Variants in MTF2 observed in about 807,000 individuals in gnomAD.
MTF2 encodes the protein metal-response element-binding transcription factor 2.
In MTF2, 11 loss-of-function variants were observed where a neutral mutation model predicts 79.5. The observed-to-expected ratio is 0.14, with a 90% CI of 0.09 to 0.23. The LOEUF (loss-of-function observed/expected upper bound fraction) is 0.23. Among genes scored for constraint, MTF2 ranks in the 10% least tolerant of loss-of-function variants. MTF2 has a pLI of 1.00. For synonymous variants in MTF2, 208 were observed against 232.8 expected (o/e 0.89, Z 0.97); for missense variants, 486 against 711.2 (o/e 0.68, Z 3.60).
rs770448261 is a variant in MTF2, at chr1:93,134,046, G to A, written c.1320-45G>A. On this transcript the variant is annotated intron_variant, in intron 13 of 14. Transcript: ENST00000370298. Reference sequence around the variant, plus strand: ...TTTGAGTAGATATTAATATTTGTTTGTTATATAATATAGTCGTTACACAAT... The same window carrying A: ...TTTGAGTAGATATTAATATTTGTTTATTATATAATATAGTCGTTACACAAT... 15 of 1,546,002 alleles carry A rather than the reference G, an allele frequency of 9.7e-6. No individual in the cohort carries two copies. In the East Asian group the frequency reaches 2.7e-4, roughly 28 times the overall value.
intron 1 of MTF2, among the ~76,000 whole-genome samples, chr1:93,090,314 G>A (rs181095489): frequency 2.0e-5 from 3 of 152,222 alleles, no homozygotes; most frequent in African/African-American, 7.2e-5. Flanking sequence ...ATTTCTCCAT[G>A]CTGGCCAGGC....
intron 9 of MTF2, among the ~76,000 whole-genome samples, chr1:93,124,095 G>A (rs1656598113): frequency 6.6e-6 from 1 of 151,980 alleles, no homozygotes; most frequent in African/African-American, 2.4e-5. Context: ...GTATAGGATT[G>A]TTATGAAGAG....
chr1:93,113,304 T>C (rs1307377721), intron 3 of MTF2, among the ~76,000 whole-genome samples: 1 of 151,586 alleles, frequency 6.6e-6, no homozygotes, highest in Admixed American at 6.6e-5. Flanking sequence ...TGCTTGGGCT[T>C]GGGAAGTCAA....
At chr1:93,105,045 G>A (rs1452328438) in intron 1 of MTF2, among the ~76,000 whole-genome samples, 1 of 151,600 alleles carries the variant, frequency 6.6e-6, no homozygotes, top group Non-Finnish European at 1.5e-5. Context: ...TCGGGAGGCT[G>A]AGGCAGGAGA....
intron 9 of MTF2, among the ~76,000 whole-genome samples, chr1:93,127,027 T>C (rs555066555): frequency 6.6e-6 from 1 of 152,252 alleles, no homozygotes; most frequent in East Asian, 1.9e-4. Context: ...TTATACTTCA[T>C]TTTTTATAAG....
intron 1 of MTF2, among the ~76,000 whole-genome samples, chr1:93,080,094 A>G (rs780691286): frequency 6.6e-6 from 1 of 152,126 alleles, no homozygotes; most frequent in Admixed American, 6.6e-5. Flanking sequence ...TGGAAGCACA[A>G]CCTGAAAGCT....
In MTF2 at chr1:93,138,235, T is replaced by C. The variant is rs1005560231; in HGVS notation, c.*1208T>C. ...TTTACTTGTAAAAAAAAAGTTTCTT[T>C]TATCACCAGTGTTACAGTTGTCTTC... On this transcript the variant is annotated 3_prime_UTR_variant, in exon 15 of 15. Transcript: ENST00000370298. 6 of 152,216 alleles carry C rather than the reference T, an allele frequency of 3.9e-5. No homozygotes were observed. The highest frequency in any genetic ancestry group is 1.4e-4 in the African/African-American group (6 of 41,472). 9.4% of individuals were successfully genotyped at this position (152,216 alleles called of 1,614,324 possible). A position where few individuals can be genotyped will look rare whatever the true frequency, so the allele number is the denominator to read the frequency against.
intron 9 of MTF2, among the ~76,000 whole-genome samples, chr1:93,125,114 C>T (rs542389646): frequency 6.6e-6 from 1 of 151,898 alleles, no homozygotes; most frequent in South Asian, 2.1e-4. Context: ...TTGCGATCGT[C>T]AGAAAGTAAA....
chr1:93,089,715 G>A (rs771228682), intron 1 of MTF2, among the ~76,000 whole-genome samples: 3 of 152,034 alleles, frequency 2.0e-5, no homozygotes, highest in Non-Finnish European at 4.4e-5. Context: ...GCTATGCCTG[G>A]CTTAATATTT....
chr1:93,081,146 A>G (rs1654589694), intron 1 of MTF2: 1 of 152,204 alleles, frequency 6.6e-6, no homozygotes, highest in Non-Finnish European at 1.5e-5. Context: ...ATGCATACAC[A>G]GTTTTAGAAC....
At chr1:93,096,532 T>C (rs1640377524) in intron 1 of MTF2, among the ~76,000 whole-genome samples, 1 of 151,994 alleles carries the variant, frequency 6.6e-6, no homozygotes. Context: ...CTTTTTTTTT[T>C]CTGTGTTAAT....
chr1:93,112,261 C>G (rs955412944), intron 3 of MTF2, among the ~76,000 whole-genome samples: 4 of 152,120 alleles, frequency 2.6e-5, no homozygotes, highest in Non-Finnish European at 5.9e-5. Context: ...AATCTGAAAC[C>G]TGCGTTATGG....
intron 1 of MTF2, among the ~76,000 whole-genome samples, chr1:93,097,905 T>C (rs563048399): frequency 1.4e-4 from 22 of 152,314 alleles, no homozygotes; most frequent in African/African-American, 5.3e-4. Context: ...GGCCTTTTTT[T>C]ATTAATAGAT....
intron 1 of MTF2, among the ~76,000 whole-genome samples, chr1:93,105,685 T>G (rs962591287): frequency 1.7e-4 from 26 of 151,972 alleles, no homozygotes; most frequent in African/African-American, 6.0e-4. Context: ...GTGTGTGTTT[T>G]TTTTTTGAGA....
intron 14 of MTF2, 198 bp downstream of exon 14, chr1:93,134,393 T>C (rs1647289639): frequency 1.9e-6 from 1 of 532,832 alleles, no homozygotes; most frequent in Non-Finnish European, 3.3e-6. Context: ...AGAGTACAAA[T>C]GTATTTTTCA....
chr1:93,121,163 AT>A (rs1656460238), intron 9 of MTF2: 2 of 984,746 alleles, frequency 2.0e-6, no homozygotes, highest in South Asian at 4.7e-5. Flanking sequence ...ATAGAAAATT[AT>A]CCCCTCTCAT....
intron 6 of MTF2, among the ~76,000 whole-genome samples, chr1:93,116,158 A>G (rs1053181168): frequency 6.6e-6 from 1 of 152,196 alleles, no homozygotes; most frequent in African/African-American, 2.4e-5. Context: ...TCTGGGCTCA[A>G]GTTATCCTCC....
intron 1 of MTF2, among the ~76,000 whole-genome samples, chr1:93,091,298 C>T (rs1247908656): frequency 6.6e-6 from 1 of 152,042 alleles, no homozygotes; most frequent in Non-Finnish European, 1.5e-5. Context: ...CCTTGTATTT[C>T]TCTGGTGACT....
chr1:93,132,878 G>A (rs1445861976), intron 11 of MTF2, among the ~76,000 whole-genome samples: 1 of 151,780 alleles, frequency 6.6e-6, no homozygotes, highest in Non-Finnish European at 1.5e-5. Flanking sequence ...TAACTATATT[G>A]TGAACTCTTT....
Sources: allele counts gnomAD v4.1 joint callset (sites outside exome capture counted in the v4.1 genomes callset), GRCh38; gene constraint gnomAD v4.1.1; transcripts MANE v1.5; gene names NCBI Gene and HGNC (gene_info 2026-07-23, HGNC 2026-07-21).